RNASE7: variants seen among roughly 807,000 people sequenced by gnomAD.
RNASE7 encodes the protein ribonuclease 7.
For synonymous variants in RNASE7, 80 were observed against 77.5 expected (o/e 1.03, Z -0.17); for missense variants, 184 against 191.5 (o/e 0.96, Z 0.23).
At position 21,043,351 on chromosome 14, in the gene RNASE7, G is replaced by A. The variant is rs1884997856; in HGVS notation, c.359G>A (p.Arg120Lys). Reference protein sequence around the residue: ...KLTSGKHPNCRYKEKRQNKSY... With the variant: ...KLTSGKHPNCKYKEKRQNKSY... ...ACCTCAGGGAAGCATCCGAACTGCA[G>A]GTACAAAGAGAAGCGACAGAACAAG... Residue 120 changes from arginine to lysine, a missense_variant, in exon 2 of 2, where the codon AGG (arginine) becomes AAG (lysine). Physicochemically the swap from Arg to Lys is conservative, Grantham distance 26. Transcript: ENST00000298690. The A allele has an allele frequency of 1.2e-6, 2 of 1,614,054 alleles. No homozygotes were observed. The highest frequency in any genetic ancestry group is 1.3e-5 in the African/African-American group (1 of 74,924).
At position 21,043,756 on chromosome 14, in the gene RNASE7, G is replaced by A. The variant is rs1594498402; in HGVS notation, c.*293G>A. ...GTCTCCCCTGCCCCCTGGCATTAGG[G>A]CAGCATGACAAGGAGAGGAAATAAA... On this transcript the variant is annotated 3_prime_UTR_variant, in exon 2 of 2. Coordinates refer to ENST00000298690, the MANE Select transcript of RNASE7 (RefSeq NM_032572.4). 2.2e-5 allele frequency: 7 copies of A among 325,276 alleles called. No homozygotes were observed. In the East Asian group the frequency reaches 4.0e-4, roughly 19 times the overall value. The allele number at this position is 325,276 out of a possible 1,614,324, so 20.1% of individuals were successfully genotyped here. A position where few individuals can be genotyped will look rare whatever the true frequency, so the allele number is the denominator to read the frequency against.
chr14:21,042,905 G>A, intron 1 of RNASE7, 48 bp from the exon 2 acceptor site: 1 of 1,108,850 alleles, frequency 9.0e-7, no homozygotes, highest in Non-Finnish European at 1.3e-6. Flanking sequence ...TAGCTCATAT[G>A]AGCAGGTATA....
rs775674760 is a variant in RNASE7 at position 21,043,157 on chromosome 14, G to A, written c.165G>A (p.Met55Ile). ...GCCCTCAAGCATGCAACTCAGCCATGAAAAACATTAACAAGCACACAAAAC... is the reference window on the plus strand; with the variant it reads ...GCCCTCAAGCATGCAACTCAGCCATAAAAAACATTAACAAGCACACAAAAC... Reference protein sequence around the residue: ...QPSPQACNSAMKNINKHTKRC... With the variant: ...QPSPQACNSAIKNINKHTKRC... Residue 55 changes from methionine to isoleucine, a missense_variant, in exon 2 of 2, where the codon ATG (methionine) becomes ATA (isoleucine). Met to Ile is a conservative substitution (Grantham distance 10, BLOSUM62 1). Transcript: ENST00000298690. The A allele has an allele frequency of 2.5e-6, 4 of 1,614,160 alleles. No homozygotes were observed. Among genetic ancestry groups the A allele is most frequent in the Admixed American group, 3.3e-5 (2 of 60,012 alleles).
Position 21,042,997 on chromosome 14 carries a change from C to T in RNASE7, c.5C>T (p.Ala2Val). 9.3e-6 allele frequency: 15 copies of T among 1,611,964 alleles called. No individual in the cohort carries two copies. The highest frequency in any genetic ancestry group is 2.2e-5 in the East Asian group (1 of 44,862). M[A>V]PARAGFCPLL... ...TGACTGCTCCTCCTAAGAGAGATGG[C>T]ACCGGCCAGAGCAGGATTCTGCCCC... is the stretch of plus-strand genomic sequence containing the variant. Residue 2 changes from alanine to valine, a missense_variant, in exon 2 of 2, where the codon GCA becomes GTA. Ala to Val is a moderately conservative substitution (Grantham distance 64, BLOSUM62 0). Coordinates refer to ENST00000298690, the MANE Select transcript of RNASE7 (RefSeq NM_032572.4).
chr14:21,043,450 A>G lies in RNASE7; in HGVS notation c.458A>G (p.Asp153Gly). The change falls in exon 2 of 2, where the codon GAC becomes GGC. Residue 153 changes from aspartate (D) to glycine (G), a missense_variant. Physicochemically the swap from Asp to Gly is moderately conservative, Grantham distance 94. Coordinates refer to ENST00000298690, the MANE Select transcript of RNASE7 (RefSeq NM_032572.4). Reference sequence around the variant, plus strand: ...TTCCACCTGGTTCCTGTACACTTGGACAGAGTCCTTTAGGTTTCCAGACTG... The same window carrying G: ...TTCCACCTGGTTCCTGTACACTTGGGCAGAGTCCTTTAGGTTTCCAGACTG... ...QQFHLVPVHL[D>G]RVL 1 of 1,594,212 alleles carries G rather than the reference A, an allele frequency of 6.3e-7. No individual in the cohort carries two copies. The highest frequency in any genetic ancestry group is 8.5e-7 in the Non-Finnish European group (1 of 1,172,110).
Position 21,043,291 on chromosome 14 carries a change from G to A in RNASE7, c.299G>A (p.Ser100Asn). The A allele has an allele frequency of 6.2e-7, 1 of 1,614,200 alleles. No homozygotes were observed. The highest frequency in any genetic ancestry group is 8.5e-7 in the Non-Finnish European group (1 of 1,180,042). Reference protein sequence around the residue: ...CKNGDKNCHQSHGAVSLTMCK... With the variant: ...CKNGDKNCHQNHGAVSLTMCK... ...AATGGCGATAAAAACTGCCACCAGA[G>A]CCACGGGGCCGTGTCCCTGACCATG... The change falls in exon 2 of 2, where the codon AGC (serine) becomes AAC (asparagine). Residue 100 changes from serine to asparagine, a missense_variant. Ser to Asn is a conservative substitution (Grantham distance 46). Transcript: ENST00000298690.
In RNASE7 at chr14:21,043,019, C is replaced by T. The variant is rs756689047; in HGVS notation, c.27C>T (p.Cys9=). 8.1e-6 allele frequency: 13 copies of T among 1,613,926 alleles called. No homozygotes were observed. The highest frequency in any genetic ancestry group is 1.1e-5 in the Non-Finnish European group (13 of 1,179,918). The change falls in exon 2 of 2, where the codon TGC becomes TGT. Residue 9 remains cysteine (C), a synonymous_variant. Transcript: ENST00000298690. ...TGGCACCGGCCAGAGCAGGATTCTG[C>T]CCCCTTCTGCTGCTTCTGCTGCTGG... MAPARAGF[C]PLLLLLLLGL... is the part of the protein sequence containing the mutation.
At position 21,043,432 on chromosome 14, in the gene RNASE7, T is replaced by C; in HGVS notation, c.440T>C (p.Leu147Pro). The change falls in exon 2 of 2, where the codon CTG (leucine) becomes CCG (proline). Residue 147 changes from leucine (L) to proline (P), a missense_variant. Physicochemically the swap from Leu to Pro is moderately conservative, Grantham distance 98. Coordinates refer to ENST00000298690, the MANE Select transcript of RNASE7 (RefSeq NM_032572.4). Reference sequence around the variant, plus strand: ...AAAAAGGACTCTCAGCAATTCCACCTGGTTCCTGTACACTTGGACAGAGTC... The same window carrying C: ...AAAAAGGACTCTCAGCAATTCCACCCGGTTCCTGTACACTTGGACAGAGTC... ...PQKKDSQQFH[L>P]VPVHLDRVL is the part of the protein sequence containing the mutation. 1 of 1,607,056 alleles carries C rather than the reference T, an allele frequency of 6.2e-7. No homozygotes were observed. Among genetic ancestry groups the C allele is most frequent in the Non-Finnish European group, 8.5e-7 (1 of 1,177,092 alleles).
chr14:21,043,760 C>T lies in RNASE7; in HGVS notation c.*297C>T, dbSNP rs1036624160. Reference sequence around the variant, plus strand: ...CCCCTGCCCCCTGGCATTAGGGCAGCATGACAAGGAGAGGAAATAAATGGA... The same window carrying T: ...CCCCTGCCCCCTGGCATTAGGGCAGTATGACAAGGAGAGGAAATAAATGGA... On this transcript the variant is annotated 3_prime_UTR_variant, in exon 2 of 2. Coordinates refer to ENST00000298690, the MANE Select transcript of RNASE7 (RefSeq NM_032572.4). 3.2e-6 allele frequency: 1 copy of T among 313,690 alleles called. No homozygotes were observed. Among genetic ancestry groups the T allele is most frequent in the East Asian group, 6.0e-5 (1 of 16,598 alleles). The allele number at this position is 313,690 out of a possible 1,614,324, so 19.4% of individuals were successfully genotyped here.
rs568458870 is a variant in RNASE7 at position 21,043,855 on chromosome 14, C to T, written c.*392C>T. On this transcript the variant is annotated 3_prime_UTR_variant, in exon 2 of 2. Transcript: ENST00000298690. ...AACTAGAAGTCTTCCCCAGCTCTGACGTGGCAGTGAGGTGACCTGAAGGAA... is the reference window on the plus strand; with the variant it reads ...AACTAGAAGTCTTCCCCAGCTCTGATGTGGCAGTGAGGTGACCTGAAGGAA... 99 of 198,600 alleles carry T rather than the reference C, an allele frequency of 5.0e-4. No individual in the cohort carries two copies. The highest frequency in any genetic ancestry group is 1.9e-3 in the African/African-American group (80 of 42,274). 12.3% of individuals were successfully genotyped at this position (198,600 alleles called of 1,614,324 possible).
In RNASE7 at chr14:21,043,342, C is replaced by A. The variant is rs201222337; in HGVS notation, c.350C>A (p.Pro117Gln). ...TGTAAGCTCACCTCAGGGAAGCATC[C>A]GAACTGCAGGTACAAAGAGAAGCGA... Reference protein sequence around the residue: ...TMCKLTSGKHPNCRYKEKRQN... With the variant: ...TMCKLTSGKHQNCRYKEKRQN... Residue 117 changes from proline (P) to glutamine (Q), a missense_variant, in exon 2 of 2, where the codon CCG becomes CAG. Pro to Gln is a moderately conservative substitution (Grantham distance 76). Transcript: ENST00000298690. The A allele has an allele frequency of 1.2e-6, 2 of 1,614,148 alleles. No individual in the cohort carries two copies. The highest frequency in any genetic ancestry group is 1.6e-4 in the Middle Eastern group (1 of 6,062).
In RNASE7 at chr14:21,043,040, G is replaced by C; in HGVS notation, c.48G>C (p.Leu16=). The change falls in exon 2 of 2, where the codon CTG becomes CTC. Residue 16 remains leucine, a synonymous_variant. Transcript: ENST00000298690. ...TCTGCCCCCTTCTGCTGCTTCTGCT[G>C]CTGGGGCTGTGGGTGGCAGAGATCC... ...AGFCPLLLLL[L]LGLWVAEIPV... The C allele has an allele frequency of 6.2e-7, 1 of 1,614,182 alleles. No individual in the cohort carries two copies. Among genetic ancestry groups the C allele is most frequent in the African/African-American group, 1.3e-5 (1 of 75,048 alleles).
chr14:21,042,950 C>A lies in RNASE7; in HGVS notation c.-40-3C>A. The A allele has an allele frequency of 6.4e-7, 1 of 1,558,322 alleles. No homozygotes were observed. The highest frequency in any genetic ancestry group is 8.7e-7 in the Non-Finnish European group (1 of 1,146,772). ...ATTTCTCAACTGAACACCTCTGTCC[C>A]AGCGACCCCTGCCCTCCATCCTGAC... On this transcript the variant is annotated splice_polypyrimidine_tract_variant and splice_region_variant and intron_variant, in intron 1 of 1. Transcript: ENST00000298690.
In RNASE7 at chr14:21,043,382, C is replaced by T. The variant is rs202100589; in HGVS notation, c.390C>T (p.Tyr130=). ...RYKEKRQNKS[Y]VVACKPPQKK... The stretch of plus-strand genomic sequence containing the variant: ...AAGAGAAGCGACAGAACAAGTCTTA[C>T]GTAGTGGCCTGTAAGCCTCCCCAGA... Residue 130 remains tyrosine (Y), a synonymous_variant, in exon 2 of 2, where the codon TAC becomes TAT. Coordinates refer to ENST00000298690, the MANE Select transcript of RNASE7 (RefSeq NM_032572.4). 11 of 1,614,094 alleles carry T rather than the reference C, an allele frequency of 6.8e-6. No homozygotes were observed. Among genetic ancestry groups the T allele is most frequent in the East Asian group, 4.5e-5 (2 of 44,884 alleles).
Position 21,043,535 on chromosome 14 carries a change from C to A in RNASE7, c.*72C>A. 1 of 1,013,580 alleles carries A rather than the reference C, an allele frequency of 9.9e-7. No homozygotes were observed. The highest frequency in any genetic ancestry group is 1.5e-6 in the Non-Finnish European group (1 of 677,044). 62.8% of individuals were successfully genotyped at this position (1,013,580 alleles called of 1,614,324 possible). ...AGGACTCCGCACCACTCCCCTACAC[C>A]CAGAGCATTCTCTTCCCCTCATCTC... On this transcript the variant is annotated 3_prime_UTR_variant, in exon 2 of 2. Coordinates refer to ENST00000298690, the MANE Select transcript of RNASE7 (RefSeq NM_032572.4).
In RNASE7 at chr14:21,043,392, TG is replaced by T. The variant is rs780443569; in HGVS notation, c.401del (p.Cys134LeufsTer69). 6.2e-7 allele frequency: 1 copy of T among 1,613,722 alleles called. No homozygotes were observed. The highest frequency in any genetic ancestry group is 1.7e-5 in the Admixed American group (1 of 59,900). On this transcript the variant is annotated frameshift_variant, in exon 2 of 2. Coordinates refer to ENST00000298690, the MANE Select transcript of RNASE7 (RefSeq NM_032572.4). LOFTEE classifies it low-confidence loss of function (END_TRUNC). ...KRQNKSYVVA[C>X]KPPQKKDSQQ... The stretch of plus-strand genomic sequence containing the variant: ...ACAGAACAAGTCTTACGTAGTGGCC[TG>T]TAAGCCTCCCCAGAAAAAGGACTCT...
Position 21,043,378 on chromosome 14 carries a change from C to G in RNASE7, c.386C>G (p.Ser129Cys). 6.2e-7 allele frequency: 1 copy of G among 1,614,164 alleles called. No homozygotes were observed. Among genetic ancestry groups the G allele is most frequent in the Non-Finnish European group, 8.5e-7 (1 of 1,180,024 alleles). The change falls in exon 2 of 2, where the codon TCT (serine) becomes TGT (cysteine). Residue 129 changes from serine (S) to cysteine (C), a missense_variant. Ser to Cys is a moderately radical substitution (Grantham distance 112). Coordinates refer to ENST00000298690, the MANE Select transcript of RNASE7 (RefSeq NM_032572.4). ...TACAAAGAGAAGCGACAGAACAAGTCTTACGTAGTGGCCTGTAAGCCTCCC... is the reference window on the plus strand; with the variant it reads ...TACAAAGAGAAGCGACAGAACAAGTGTTACGTAGTGGCCTGTAAGCCTCCC... ...CRYKEKRQNK[S>C]YVVACKPPQK...
Position 21,043,156 on chromosome 14 carries a change from T to C in RNASE7, c.164T>C (p.Met55Thr), listed in dbSNP as rs935571714. ...AGCCCTCAAGCATGCAACTCAGCCA[T>C]GAAAAACATTAACAAGCACACAAAA... is the stretch of plus-strand genomic sequence containing the variant. ...QPSPQACNSA[M>T]KNINKHTKRC... The change falls in exon 2 of 2, where the codon ATG becomes ACG. Residue 55 changes from methionine (M) to threonine (T), a missense_variant. Physicochemically the swap from Met to Thr is moderately conservative, Grantham distance 81 (BLOSUM62 -1). Transcript: ENST00000298690. The C allele has an allele frequency of 1.9e-6, 3 of 1,614,004 alleles. No individual in the cohort carries two copies. The highest frequency in any genetic ancestry group is 3.3e-5 in the Admixed American group (2 of 59,980).
In RNASE7 at chr14:21,043,013, A is replaced by G; in HGVS notation, c.21A>G (p.Gly7=). Reference sequence around the variant, plus strand: ...GAGAGATGGCACCGGCCAGAGCAGGATTCTGCCCCCTTCTGCTGCTTCTGC... The same window carrying G: ...GAGAGATGGCACCGGCCAGAGCAGGGTTCTGCCCCCTTCTGCTGCTTCTGC... The part of the protein sequence containing the change: MAPARA[G]FCPLLLLLLL... The change falls in exon 2 of 2, where the codon GGA becomes GGG. Residue 7 remains glycine, a synonymous_variant. Transcript: ENST00000298690. The G allele has an allele frequency of 6.2e-7, 1 of 1,613,948 alleles. No homozygotes were observed. Among genetic ancestry groups the G allele is most frequent in the Non-Finnish European group, 8.5e-7 (1 of 1,179,936 alleles).
Sources: allele counts gnomAD v4.1 joint callset, GRCh38; gene constraint gnomAD v4.1.1; transcripts MANE v1.5; gene names NCBI Gene and HGNC (gene_info 2026-07-23, HGNC 2026-07-21).